Variants in GABRB3 observed in about 807,000 individuals in gnomAD.
GABRB3 encodes the protein gamma-aminobutyric acid type A receptor subunit beta3.
Under a neutral mutation model 52.1 loss-of-function variants are expected in GABRB3, and 14 were observed. The observed-to-expected ratio is 0.27, with a 90% confidence interval of 0.18 to 0.42. GABRB3 has a LOEUF of 0.42. GABRB3 is among the 10% of genes least tolerant of loss of function. The probability of loss-of-function intolerance (pLI) is 1.00; values close to 1 mark genes in which losing one functional copy is unlikely to be tolerated. For synonymous variants in GABRB3, 260 were observed against 232.3 expected (o/e 1.12, Z -1.08); for missense variants, 307 against 609.1 (o/e 0.50, Z 5.22).
chr15:26,708,406 G>A (rs1889175419), intron 3 of GABRB3, among the ~76,000 whole-genome samples: 1 of 152,136 alleles, frequency 6.6e-6, no homozygotes, highest in Non-Finnish European at 1.5e-5. Context: ...GCCAAGAAAT[G>A]GGCAGCTACC....
chr15:26,773,571 C>T, upstream of GABRB3: 2 of 1,248,372 alleles, frequency 1.6e-6, no homozygotes, highest in Non-Finnish European at 1.1e-6. Context: ...CCGGGTGCCG[C>T]GCCTCTGCCC....
intron 3 of GABRB3, among the ~76,000 whole-genome samples, chr15:26,660,477 A>C (rs1022488784): frequency 2.6e-5 from 4 of 152,206 alleles, no homozygotes; most frequent in Non-Finnish European, 5.9e-5. Context: ...CATCAGAGTT[A>C]ATAGTTGCCT....
intron 3 of GABRB3, among the ~76,000 whole-genome samples, chr15:26,651,249 G>A (rs1299499519): frequency 6.6e-6 from 1 of 152,204 alleles, no homozygotes; most frequent in East Asian, 1.9e-4. Flanking sequence ...GCGTCCAGAG[G>A]AGCTGACTGG....
rs1706485075 is a variant in GABRB3, at chr15:26,624,726, G to T, written c.241-3192C>A. The T allele has an allele frequency of 4.1e-6, 4 of 983,636 alleles. No homozygotes were observed. The African/African-American group carries it at 7.0e-5, about 17-fold the overall frequency. The allele number at this position is 983,636 out of a possible 1,614,324, so 60.9% of individuals were successfully genotyped here. A position where few individuals can be genotyped will look rare whatever the true frequency, so the allele number is the denominator to read the frequency against. ...GGCAAGGACTATCACATCAGTGGGG[G>T]CACAAATCAGTGTCCTCCTTTTTTT... On this transcript the variant is annotated intron_variant, in intron 3 of 8. Transcript: ENST00000311550.
intron 3 of GABRB3, among the ~76,000 whole-genome samples, chr15:26,770,837 A>T (rs966359414): frequency 2.0e-5 from 3 of 152,242 alleles, no homozygotes; most frequent in Non-Finnish European, 4.4e-5. Flanking sequence ...TTCCTTATAA[A>T]CATAAAACAA....
chr15:26,551,222 A>G (rs1301817424), intron 8 of GABRB3, among the ~76,000 whole-genome samples: 1 of 152,200 alleles, frequency 6.6e-6, no homozygotes, highest in African/African-American at 2.4e-5. Flanking sequence ...TTAACTCTTT[A>G]GGAAACAGGA....
chr15:26,755,704 G>A (rs1454464064), intron 3 of GABRB3, among the ~76,000 whole-genome samples: 1 of 152,196 alleles, frequency 6.6e-6, no homozygotes, highest in Non-Finnish European at 1.5e-5. Flanking sequence ...AGCCCAAAGT[G>A]AAAGATCTTT....
chr15:26,609,675 TAGGC>T (rs1364255933), intron 4 of GABRB3, among the ~76,000 whole-genome samples: 2 of 152,160 alleles, frequency 1.3e-5, no homozygotes, highest in East Asian at 1.9e-4. Flanking sequence ...AAAAATCTGT[TAGGC>T]AGGAAGAATA....
At chr15:26,651,056 C>T (rs765856756) in intron 3 of GABRB3, among the ~76,000 whole-genome samples, 7 of 152,224 alleles carry the variant, frequency 4.6e-5, no homozygotes, top group Non-Finnish European at 7.3e-5. Flanking sequence ...AGTATGGGTA[C>T]CCAAAAAGGC....
intron 3 of GABRB3, among the ~76,000 whole-genome samples, chr15:26,718,628 G>A (rs781140703): frequency 1.3e-5 from 2 of 151,514 alleles, no homozygotes; most frequent in African/African-American, 2.4e-5. Context: ...TTATACTCTC[G>A]TCTATAGTTA....
chr15:26,679,965 C>A (rs939186006), intron 3 of GABRB3, among the ~76,000 whole-genome samples: 1 of 152,186 alleles, frequency 6.6e-6, no homozygotes, highest in Admixed American at 6.5e-5. Flanking sequence ...GTTAATTTTA[C>A]GTGTCATTCA....
intron 3 of GABRB3, among the ~76,000 whole-genome samples, chr15:26,738,129 C>T (rs937769997): frequency 1.3e-5 from 2 of 152,076 alleles, no homozygotes; most frequent in Admixed American, 6.5e-5. Flanking sequence ...GTCGCCTGGG[C>T]TGGAGTGCAA....
chr15:26,725,268 G>A (rs1889741067), intron 3 of GABRB3, among the ~76,000 whole-genome samples: 1 of 152,202 alleles, frequency 6.6e-6, no homozygotes, highest in African/African-American at 2.4e-5. Flanking sequence ...CTAAGTAGCT[G>A]TAACTTCAGG....
At chr15:26,591,784 G>A (rs891009626) in intron 4 of GABRB3, among the ~76,000 whole-genome samples, 1 of 152,216 alleles carries the variant, frequency 6.6e-6, no homozygotes, top group Non-Finnish European at 1.5e-5. Flanking sequence ...GTCCAAAACA[G>A]TAACCACCAA....
intron 3 of GABRB3, among the ~76,000 whole-genome samples, chr15:26,639,409 T>C (rs1893142648): frequency 6.6e-6 from 1 of 151,898 alleles, no homozygotes; most frequent in Non-Finnish European, 1.5e-5. Flanking sequence ...AATTATTCCC[T>C]AAACAATACA....
chr15:26,565,786 T>A (rs1027233423), intron 7 of GABRB3, among the ~76,000 whole-genome samples: 1 of 152,204 alleles, frequency 6.6e-6, no homozygotes, highest in Non-Finnish European at 1.5e-5. Context: ...TCCTTGGTAC[T>A]CATATTTCAC....
chr15:26,554,035 ATT>A (rs1375061912), intron 8 of GABRB3, among the ~76,000 whole-genome samples: 1,164 of 80,376 alleles, frequency 0.014, 226 homozygotes, highest in African/African-American at 0.055. Context: ...ATATATATAT[ATT>A]TATTTATTTA....
intron 3 of GABRB3, among the ~76,000 whole-genome samples, chr15:26,648,152 CT>C: frequency 6.6e-6 from 1 of 152,274 alleles, no homozygotes; most frequent in East Asian, 1.9e-4. Flanking sequence ...TCCCCTGCCC[CT>C]AGCCCCAGCC....
intron 3 of GABRB3, among the ~76,000 whole-genome samples, chr15:26,685,799 CTTTT>C (rs371341373): frequency 1.7e-4 from 22 of 131,156 alleles, no homozygotes; most frequent in Non-Finnish European, 2.4e-4. Flanking sequence ...GTAAGATGGT[CTTTT>C]TTTTTTTTTT....
Sources: allele counts gnomAD v4.1 joint callset (sites outside exome capture counted in the v4.1 genomes callset), GRCh38; gene constraint gnomAD v4.1.1; transcripts MANE v1.5; gene names NCBI Gene and HGNC (gene_info 2026-07-23, HGNC 2026-07-21).